Variants in DIAPH2 observed in about 807,000 individuals in gnomAD.
The protein encoded by DIAPH2 is protein diaphanous homolog 2.
DIAPH2 carries 35 observed loss-of-function variants against 92.7 expected under a neutral mutation model. That is an observed-to-expected ratio of 0.38 (90% CI 0.29 to 0.50). The LOEUF is 0.50. Among genes scored for constraint, DIAPH2 ranks in the 20% least tolerant of loss-of-function variants. The pLI, the probability that DIAPH2 is intolerant of heterozygous loss-of-function variation, is 0.94. For synonymous variants in DIAPH2, 301 were observed against 280.4 expected, an observed-to-expected ratio of 1.07 and a Z score of -0.73; for missense variants, 701 against 819.5, an observed-to-expected ratio of 0.86 and a Z score of 1.77.
intron 17 of DIAPH2, among the ~76,000 whole-genome samples, chrX:97,044,029 A>T (rs989642073): frequency 1.8e-5 from 2 of 112,206 alleles, no homozygotes; most frequent in East Asian, 2.8e-4. Context: ...ACAGAAATAG[A>T]CTTGTACAAA....
At chrX:97,105,143 A>C (rs1188152724) in intron 20 of DIAPH2, among the ~76,000 whole-genome samples, 1 of 111,369 alleles carries the variant, frequency 9.0e-6, no homozygotes, top group East Asian at 2.8e-4. Context: ...GAACAAAACC[A>C]ACAACAAAAA....
intron 5 of DIAPH2, among the ~76,000 whole-genome samples, chrX:96,911,611 C>A (rs1023625993): frequency 1.8e-5 from 2 of 111,405 alleles, no homozygotes; most frequent in Non-Finnish European, 3.8e-5. Flanking sequence ...CAGAGTTCTG[C>A]TGAAATACCT....
At chrX:96,977,340 C>T (rs2065968625) in intron 17 of DIAPH2, among the ~76,000 whole-genome samples, 1 of 111,327 alleles carries the variant, frequency 9.0e-6, no homozygotes. Flanking sequence ...AAAACGTTGC[C>T]GTGACTTGAA....
At chrX:97,208,923 A>C in intron 22 of DIAPH2, among the ~76,000 whole-genome samples, 1 of 109,980 alleles carries the variant, frequency 9.1e-6, no homozygotes, top group East Asian at 2.9e-4. Flanking sequence ...ATCAATAGGT[A>C]ATGTTTATAG....
At chrX:97,021,204 T>G (rs2066295178) in intron 17 of DIAPH2, among the ~76,000 whole-genome samples, 1 of 111,366 alleles carries the variant, frequency 9.0e-6, no homozygotes, top group Non-Finnish European at 1.9e-5. Flanking sequence ...AAGACTTTTT[T>G]TTTTCCTTTT....
chrX:97,406,467 A>G (rs970854771), intron 25 of DIAPH2, among the ~76,000 whole-genome samples: 1 of 112,161 alleles, frequency 8.9e-6, no homozygotes, highest in Non-Finnish European at 1.9e-5. Flanking sequence ...TTACTAAAAC[A>G]AATATAATGA....
At chrX:96,952,457 T>C (rs5920615) in intron 15 of DIAPH2, among the ~76,000 whole-genome samples, 13,695 of 110,969 alleles carry the variant, frequency 0.12, 1,109 homozygotes, top group African/African-American at 0.29. Context: ...TATTTATGGC[T>C]GTGCACAGTG....
At chrX:97,519,426 A>G (rs1054661120) in intron 26 of DIAPH2, among the ~76,000 whole-genome samples, 3 of 112,395 alleles carry the variant, frequency 2.7e-5, no homozygotes, top group African/African-American at 9.7e-5. Flanking sequence ...GATCTACAAA[A>G]ATAGGCTAAA....
chrX:97,245,037 C>T (rs1443669641), intron 22 of DIAPH2, among the ~76,000 whole-genome samples: 1 of 109,166 alleles, frequency 9.2e-6, no homozygotes, highest in East Asian at 2.9e-4. Context: ...TGCAGTGAGC[C>T]GAGATATCAT....
At chrX:96,822,007 T>C (rs1457630858) in intron 4 of DIAPH2, among the ~76,000 whole-genome samples, 2 of 111,739 alleles carry the variant, frequency 1.8e-5, no homozygotes, top group Non-Finnish European at 3.8e-5. Flanking sequence ...ATTTGCCTGC[T>C]GAATACATTG....
chrX:96,949,808 C>T lies in DIAPH2; in HGVS notation c.1614+769C>T, dbSNP rs753743859. On this transcript the variant is annotated intron_variant, in intron 15 of 26. Transcript: ENST00000324765. ...CCAGGAGGCAGAACTTGCAGTGAGC[C>T]GAGATCCCGCCACTGCACTCCAGCC... Among the ~76,000 whole-genome samples the T allele has an allele frequency of 1.3e-4, 14 of 104,496 alleles. No homozygotes were observed. The East Asian group carries it at 3.3e-3, about 25-fold the overall frequency. The allele number at this position is 104,496 out of a possible 115,157, so 90.7% of individuals were successfully genotyped here.
intron 26 of DIAPH2, among the ~76,000 whole-genome samples, chrX:97,490,831 T>C (rs2070720796): frequency 8.9e-6 from 1 of 112,044 alleles, no homozygotes; most frequent in Admixed American, 9.5e-5. Flanking sequence ...ACACGTGATA[T>C]ATTCTGGAGA....
chrX:96,960,458 A>G (rs1282433362), intron 16 of DIAPH2, among the ~76,000 whole-genome samples: 1 of 110,740 alleles, frequency 9.0e-6, no homozygotes, highest in Non-Finnish European at 1.9e-5. Flanking sequence ...TTGATTTTGT[A>G]TCCTCCAACT....
intron 4 of DIAPH2, among the ~76,000 whole-genome samples, chrX:96,802,862 T>C (rs777932361): frequency 8.9e-6 from 1 of 111,855 alleles, no homozygotes; most frequent in African/African-American, 3.2e-5. Context: ...CTTCAGTCTA[T>C]GGCTGAAGGC....
At chrX:97,011,178 C>T (rs1256403495) in intron 17 of DIAPH2, among the ~76,000 whole-genome samples, 1 of 112,387 alleles carries the variant, frequency 8.9e-6, no homozygotes, top group Non-Finnish European at 1.9e-5. Context: ...GAATTACACT[C>T]AAAGTATTCT....
intron 4 of DIAPH2, chrX:96,763,189 G>A: frequency 1.3e-6 from 1 of 789,851 alleles, no homozygotes; most frequent in Non-Finnish European, 1.7e-6. Context: ...ATTTTTGCTT[G>A]TAGTATTTTA....
intron 23 of DIAPH2, among the ~76,000 whole-genome samples, chrX:97,316,813 C>T (rs888399719): frequency 1.8e-5 from 2 of 111,771 alleles, no homozygotes; most frequent in Non-Finnish European, 3.8e-5. Flanking sequence ...GACTAGTTTC[C>T]TCCTGGGTTT....
At chrX:97,170,287 C>T (rs1602389253) in intron 22 of DIAPH2, among the ~76,000 whole-genome samples, 1 of 94,791 alleles carries the variant, frequency 1.1e-5, no homozygotes, top group Non-Finnish European at 2.5e-5. Flanking sequence ...AGGGAAGGGG[C>T]CTGGTGTGTG....
rs771227320 is a variant in DIAPH2 at position 97,295,077 on chromosome X, G to A, written c.2844+47238G>A. ...ACCTAGATATAGATCCTTAACCCCC[G>A]AACTCAGTATATTTACTAATAAACT... On this transcript the variant is annotated intron_variant, in intron 23 of 26. Coordinates refer to ENST00000324765, the MANE Select transcript of DIAPH2 (RefSeq NM_006729.5). Among the ~76,000 whole-genome samples, 18 of 110,733 alleles carry A rather than the reference G, an allele frequency of 1.6e-4. No homozygotes were observed. In the South Asian group the frequency reaches 1.9e-3, roughly 12 times the overall value.
Sources: gnomAD v4.1 joint callset for allele counts (sites outside exome capture counted in the v4.1 genomes callset) on GRCh38, gnomAD v4.1.1 for gene constraint, MANE v1.5 for transcripts, NCBI Gene and HGNC (gene_info 2026-07-23, HGNC 2026-07-21) for gene names.